Variants in FARP1 observed in about 807,000 individuals in gnomAD.
FARP1 encodes the protein FERM, ARH/RhoGEF and pleckstrin domain protein 1, also known as FERM, ARHGEF and pleckstrin domain-containing protein 1.
Under a neutral mutation model 128.8 loss-of-function variants are expected in FARP1, and 52 were observed. The observed-to-expected ratio is 0.40, with a 90% confidence interval of 0.32 to 0.51. The LOEUF is 0.51. Among genes scored for constraint, FARP1 ranks in the 20% least tolerant of loss-of-function variants. The pLI, the probability that FARP1 is intolerant of heterozygous loss-of-function variation, is 0.45. For missense variants in FARP1, 1,333 were observed against 1,367.9 expected (o/e 0.97, Z 0.40); for synonymous variants, 580 against 551.8 (o/e 1.05, Z -0.72).
intron 1 of FARP1, among the ~76,000 whole-genome samples, chr13:98,182,401 C>CT (rs527317145): frequency 6.6e-6 from 1 of 152,202 alleles, no homozygotes; most frequent in Non-Finnish European, 1.5e-5. Flanking sequence ...TCATGGCTCA[C>CT]TGCTGCCTCA....
chr13:98,186,359 C>T (rs988675419), intron 1 of FARP1, among the ~76,000 whole-genome samples: 45 of 152,086 alleles, frequency 3.0e-4, no homozygotes, highest in African/African-American at 1.0e-3. Flanking sequence ...CCACCCACCT[C>T]GACCTCCCAA....
chr13:98,338,655 T>TAAA (rs1192093853), intron 2 of FARP1: 2 of 152,232 alleles, frequency 1.3e-5, no homozygotes, highest in African/African-American at 4.8e-5. Context: ...TTCAGTTATT[T>TAAA]TCGTTGTATA....
intron 2 of FARP1, among the ~76,000 whole-genome samples, chr13:98,289,921 A>G (rs999118663): frequency 2.0e-5 from 3 of 152,220 alleles, no homozygotes; most frequent in Admixed American, 1.3e-4. Context: ...TGTCCTGGAA[A>G]TACCTGGGTT....
Position 98,385,619 on chromosome 13 carries a change from A to C in FARP1, c.612-48A>C, listed in dbSNP as rs1346854141. ...TTCTTAATCTCAAATTAATAGATACAGGGAATTCAAATCTCCTGGCCTTTC... is the reference window on the plus strand; with the variant it reads ...TTCTTAATCTCAAATTAATAGATACCGGGAATTCAAATCTCCTGGCCTTTC... On this transcript the variant is annotated intron_variant, in intron 7 of 26. Transcript: ENST00000319562. The C allele has an allele frequency of 1.8e-5, 29 of 1,599,652 alleles. No homozygotes were observed. The East Asian group carries it at 6.5e-4, about 36-fold the overall frequency.
At chr13:98,378,747 G>A (rs1364820288) in intron 6 of FARP1, among the ~76,000 whole-genome samples, 1 of 150,912 alleles carries the variant, frequency 6.6e-6, no homozygotes, top group Non-Finnish European at 1.5e-5. Context: ...GATACAGTAA[G>A]GTGTTTCAGA....
chr13:98,208,140 T>C (rs1880408495), intron 1 of FARP1, among the ~76,000 whole-genome samples: 1 of 152,020 alleles, frequency 6.6e-6, no homozygotes, highest in African/African-American at 2.4e-5. Flanking sequence ...AGAAAAAGCT[T>C]ATTTGAGGCA....
intron 2 of FARP1, among the ~76,000 whole-genome samples, chr13:98,331,139 G>T (rs1887491454): frequency 6.6e-6 from 1 of 152,144 alleles, no homozygotes; most frequent in African/African-American, 2.4e-5. Flanking sequence ...TAAGGAAACT[G>T]GTTGTCTGAT....
chr13:98,446,429 T>A (rs1892839355), intron 25 of FARP1: 3 of 602,864 alleles, frequency 5.0e-6, no homozygotes, highest in Non-Finnish European at 8.8e-6. Flanking sequence ...AAGGGCCACC[T>A]GTCTTCTGCC....
chr13:98,362,382 C>T (rs1336483394), intron 3 of FARP1, among the ~76,000 whole-genome samples: 9 of 152,240 alleles, frequency 5.9e-5, no homozygotes, highest in African/African-American at 9.6e-5. Context: ...ATGCACCAGA[C>T]GTTCAGACCC....
At chr13:98,349,860 GGTCAT>G (rs1888341826) in intron 3 of FARP1, among the ~76,000 whole-genome samples, 1 of 152,106 alleles carries the variant, frequency 6.6e-6, no homozygotes, top group Non-Finnish European at 1.5e-5. Context: ...AGGGGCAGGA[GGTCAT>G]GGAAACTGCA....
chr13:98,209,567 C>A (rs1313297320), intron 1 of FARP1, among the ~76,000 whole-genome samples: 1 of 133,428 alleles, frequency 7.5e-6, no homozygotes, highest in Non-Finnish European at 1.6e-5. Context: ...GAGGCTGAGG[C>A]GGGTGGATTA....
intron 2 of FARP1, among the ~76,000 whole-genome samples, chr13:98,336,664 T>C (rs1887757596): frequency 1.3e-5 from 2 of 152,212 alleles, no homozygotes; most frequent in South Asian, 4.1e-4. Flanking sequence ...TGCTATTTAG[T>C]ATTCAGTGCG....
chr13:98,351,758 G>A (rs1254150498), intron 3 of FARP1, among the ~76,000 whole-genome samples: 3 of 152,092 alleles, frequency 2.0e-5, no homozygotes, highest in Non-Finnish European at 4.4e-5. Flanking sequence ...GCAAGAGAGA[G>A]AGCAATTGGG....
In FARP1 at chr13:98,390,060, A is replaced by C; in HGVS notation, c.959A>C (p.Glu320Ala). 1 of 1,614,170 alleles carries C rather than the reference A, an allele frequency of 6.2e-7. No homozygotes were observed. The part of the protein sequence containing the change: ...VEHHAFFRLF[E>A]EPKPKPKPVL... ...CATCATGCCTTCTTTAGACTTTTTG[A>C]AGAGCCCAAACCAAAGCCCAAGCCC... Residue 320 changes from glutamate (E) to alanine (A), a missense_variant, in exon 10 of 27, where the codon GAA (glutamate) becomes GCA (alanine). Physicochemically the swap from Glu to Ala is moderately radical, Grantham distance 107 (BLOSUM62 -1). Around this residue, in one of 2 missense-constraint regions of FARP1, gnomAD observed 1,009 missense variants for 969.8 expected, o/e 1.04. Transcript: ENST00000319562.
At chr13:98,402,574 C>T (rs1423746310) in intron 13 of FARP1, 1 of 152,144 alleles carries the variant, frequency 6.6e-6, no homozygotes, top group Non-Finnish European at 1.5e-5. Context: ...CTCAAAGTTT[C>T]TTTGTAGGAA....
At chr13:98,446,289 C>G in intron 25 of FARP1, 84 bp downstream of exon 25, 2 of 862,310 alleles carry the variant, frequency 2.3e-6, no homozygotes, top group Non-Finnish European at 3.8e-6. Context: ...TCTGGAATGA[C>G]TCAGGCCTCT....
In FARP1 at chr13:98,153,153, G is replaced by A. The variant is rs185858181; in HGVS notation, c.-24+9661G>A. The stretch of plus-strand genomic sequence containing the variant: ...ATCAGGTGCTAGCAGGGGCCAAGAT[G>A]GATCCAAGTGGAGTGAGCTGTTTGG... On this transcript the variant is annotated intron_variant, in intron 1 of 26. Coordinates refer to ENST00000319562, the MANE Select transcript of FARP1 (RefSeq NM_005766.4). Among the ~76,000 whole-genome samples the A allele has an allele frequency of 2.4e-3, 361 of 151,132 alleles. 2 individuals are homozygous for A. The highest frequency in any genetic ancestry group is 8.3e-3 in the African/African-American group (342 of 41,182).
chr13:98,448,517 T>G lies in FARP1; in HGVS notation c.*200T>G. 1 of 577,132 alleles carries G rather than the reference T, an allele frequency of 1.7e-6. No individual in the cohort carries two copies. The highest frequency in any genetic ancestry group is 3.1e-6 in the Non-Finnish European group (1 of 323,018). 35.8% of individuals were successfully genotyped at this position (577,132 alleles called of 1,614,324 possible). On this transcript the variant is annotated 3_prime_UTR_variant, in exon 27 of 27. Coordinates refer to ENST00000319562, the MANE Select transcript of FARP1 (RefSeq NM_005766.4). ...TGAACAGCGCTCCCACCTCCAGTCC[T>G]GGCATCCGCTGGGGGCGCTGTTCTT...
chr13:98,445,860 T>TCTGC (rs2139166635), intron 24 of FARP1: 1 of 494,420 alleles, frequency 2.0e-6, no homozygotes, highest in East Asian at 3.7e-5. Context: ...CCTCAACGTG[T>TCTGC]CTTTTGGGGG....
Sources: allele counts gnomAD v4.1 joint callset (sites outside exome capture counted in the v4.1 genomes callset), GRCh38; gene constraint gnomAD v4.1.1; regional missense constraint gnomAD v4.1.1; transcripts MANE v1.5; gene names NCBI Gene and HGNC (gene_info 2026-07-23, HGNC 2026-07-21).